CSMD1: variants seen among roughly 807,000 people sequenced by gnomAD.
The protein encoded by CSMD1 is CUB and Sushi multiple domains 1.
Under a neutral mutation model 417.5 loss-of-function variants are expected in CSMD1, and 213 were observed. The ratio of observed to expected loss-of-function variants is 0.51; its 90% confidence interval spans 0.46 to 0.57. CSMD1 has a LOEUF of 0.57. Among genes scored for constraint, CSMD1 ranks in the 20% least tolerant of loss-of-function variants. The pLI is 0.00. For synonymous variants in CSMD1, 2,862 were observed against 1,736.8 expected, an observed-to-expected ratio of 1.65 and a Z score of -16.11; for missense variants, 6,923 against 4,529.7, an observed-to-expected ratio of 1.53 and a Z score of -15.17.
chr8:4,050,274 T>G (rs970572761), intron 3 of CSMD1, among the ~76,000 whole-genome samples: 1 of 152,088 alleles, frequency 6.6e-6, no homozygotes, highest in Non-Finnish European at 1.5e-5. Flanking sequence ...CCTATACTCT[T>G]TGGAAGGGAG....
At chr8:4,302,541 G>A (rs181404347) in intron 3 of CSMD1, among the ~76,000 whole-genome samples, 18 of 152,202 alleles carry the variant, frequency 1.2e-4, no homozygotes, top group African/African-American at 1.7e-4. Flanking sequence ...TTAAGAGACC[G>A]TCTTGAAAGT....
At chr8:3,973,510 A>T (rs575738161) in intron 5 of CSMD1, among the ~76,000 whole-genome samples, 2 of 152,216 alleles carry the variant, frequency 1.3e-5, no homozygotes, top group Non-Finnish European at 2.9e-5. Context: ...CCAACAAATC[A>T]TTCTGGTATA....
chr8:3,515,973 G>C (rs1797266591), intron 10 of CSMD1, among the ~76,000 whole-genome samples: 1 of 152,166 alleles, frequency 6.6e-6, no homozygotes, highest in South Asian at 2.1e-4. Context: ...TTCGTTGCCA[G>C]TCAATGTTCT....
At chr8:4,668,465 T>C (rs1225231350) in intron 1 of CSMD1, among the ~76,000 whole-genome samples, 1 of 144,656 alleles carries the variant, frequency 6.9e-6, no homozygotes, top group African/African-American at 2.6e-5. Context: ...ATTATTATTA[T>C]TTGAGATGGA....
At chr8:4,309,627 G>T (rs1278339139) in intron 3 of CSMD1, among the ~76,000 whole-genome samples, 2 of 152,166 alleles carry the variant, frequency 1.3e-5, no homozygotes, top group East Asian at 1.9e-4. Context: ...ACTCCCTTGG[G>T]AAGGGGCATA....
intron 5 of CSMD1, among the ~76,000 whole-genome samples, chr8:3,903,551 G>A (rs1450072550): frequency 3.3e-5 from 5 of 152,100 alleles, no homozygotes; most frequent in Admixed American, 6.6e-5. Flanking sequence ...TCCTGTTTCT[G>A]AATTTCAATG....
chr8:4,933,344 G>A (rs780838154), intron 1 of CSMD1, among the ~76,000 whole-genome samples: 30 of 152,132 alleles, frequency 2.0e-4, no homozygotes, highest in Non-Finnish European at 2.1e-4. Context: ...TTTAAATATA[G>A]TATCCCCCAT....
chr8:4,013,647 A>T (rs185710106), intron 4 of CSMD1, among the ~76,000 whole-genome samples: 1 of 152,290 alleles, frequency 6.6e-6, no homozygotes, highest in East Asian at 1.9e-4. Context: ...ATCTCCACCC[A>T]TTAAAATGAT....
intron 5 of CSMD1, among the ~76,000 whole-genome samples, chr8:3,866,281 A>G (rs968580103): frequency 1.3e-5 from 2 of 152,218 alleles, no homozygotes; most frequent in Non-Finnish European, 2.9e-5. Flanking sequence ...ATTTTTAAAT[A>G]AATACTTCTT....
intron 5 of CSMD1, among the ~76,000 whole-genome samples, chr8:3,892,635 T>C (rs1488921207): frequency 6.6e-6 from 1 of 151,870 alleles, no homozygotes; most frequent in Admixed American, 6.6e-5. Context: ...GTCAGTACTG[T>C]TGCTTGGCAC....
intron 4 of CSMD1, among the ~76,000 whole-genome samples, chr8:4,030,076 C>G (rs1797262957): frequency 6.6e-6 from 1 of 152,178 alleles, no homozygotes; most frequent in Admixed American, 6.5e-5. Context: ...AATACAGCTT[C>G]CCTCCTGGAT....
chr8:3,588,714 C>T (rs565866265), intron 8 of CSMD1, among the ~76,000 whole-genome samples: 38 of 151,554 alleles, frequency 2.5e-4, no homozygotes, highest in South Asian at 1.5e-3. Context: ...ACAACACAGG[C>T]AAAAACAGAC....
intron 3 of CSMD1, among the ~76,000 whole-genome samples, chr8:4,395,417 C>G (rs77436407): frequency 0.17 from 25,326 of 150,218 alleles, 2,241 homozygotes; most frequent in Admixed American, 0.25. Flanking sequence ...GCTAAAGAAT[C>G]ATAAAAAAAA....
intron 35 of CSMD1, 111 bp from the exon 36 acceptor site, chr8:3,188,076 ACATATGTATAT>A: frequency 2.5e-6 from 1 of 398,474 alleles, no homozygotes; most frequent in Non-Finnish European, 4.5e-6. Flanking sequence ...ATATATATAT[ACATATGTATAT>A]GTATATATAT....
At chr8:4,829,502 C>T (rs1195217650) in intron 1 of CSMD1, among the ~76,000 whole-genome samples, 3 of 151,930 alleles carry the variant, frequency 2.0e-5, no homozygotes, top group Non-Finnish European at 4.4e-5. Context: ...AGCACTTTAC[C>T]AGGCTGAGGC....
At chr8:3,596,379 G>A (rs897156474) in intron 8 of CSMD1, among the ~76,000 whole-genome samples, 1 of 152,178 alleles carries the variant, frequency 6.6e-6, no homozygotes. Flanking sequence ...ACTCAGGTCA[G>A]GGCAGACCTT....
intron 2 of CSMD1, among the ~76,000 whole-genome samples, chr8:4,456,300 G>T (rs891800646): frequency 3.3e-5 from 5 of 152,068 alleles, no homozygotes; most frequent in Non-Finnish European, 7.4e-5. Context: ...AAGACAATTT[G>T]TAATAAAGAC....
intron 1 of CSMD1, among the ~76,000 whole-genome samples, chr8:4,661,101 C>T (rs1804570928): frequency 6.6e-6 from 1 of 152,160 alleles, no homozygotes; most frequent in East Asian, 1.9e-4. Context: ...ATACAACCTA[C>T]CAATTGTACT....
chr8:3,682,679 A>T (rs1799726314), intron 7 of CSMD1, among the ~76,000 whole-genome samples: 3 of 152,236 alleles, frequency 2.0e-5, no homozygotes, highest in Non-Finnish European at 4.4e-5. Context: ...TGATCCAGCC[A>T]TCCCATTACT....
Sources: allele counts gnomAD v4.1 joint callset (sites outside exome capture counted in the v4.1 genomes callset), GRCh38; gene constraint gnomAD v4.1.1; transcripts MANE v1.5; gene names NCBI Gene and HGNC (gene_info 2026-07-23, HGNC 2026-07-21).